Variants in C14orf93 observed in about 807,000 individuals in gnomAD.
C14orf93 encodes uncharacterized protein C14orf93.
Under a neutral mutation model 44.0 loss-of-function variants are expected in C14orf93, and 23 were observed. The observed-to-expected ratio is 0.52, with a 90% CI of 0.38 to 0.74. The LOEUF is 0.74. C14orf93 is among the 30% of genes least tolerant of loss of function. C14orf93 has a pLI of 0.00. For synonymous variants in C14orf93, 253 were observed against 265.7 expected (o/e 0.95, Z 0.46); for missense variants, 579 against 678.9 (o/e 0.85, Z 1.64).
chr14:22,998,884 G>A lies in C14orf93; in HGVS notation c.140C>T (p.Thr47Ile), dbSNP rs2046154161. 1 of 1,614,184 alleles carries A rather than the reference G, an allele frequency of 6.2e-7. No individual in the cohort carries two copies. The highest frequency in any genetic ancestry group is 8.5e-7 in the Non-Finnish European group (1 of 1,180,048). Residue 47 changes from threonine (T) to isoleucine (I), a missense_variant, in exon 2 of 7, where the codon ACA (threonine) becomes ATA (isoleucine). Thr to Ile is a moderately conservative substitution (Grantham distance 89, BLOSUM62 -1). Transcript: ENST00000299088. Reference protein sequence around the residue: ...GGNPPPSTPITVTGHGLAVQS... With the variant: ...GGNPPPSTPIIVTGHGLAVQS... ...AACAGCCAAGCCATGTCCAGTCACT[G>A]TGATGGGGGTGCTGGGAGGAGGATT...
At chr14:22,990,562 C>T (rs1336694790) in intron 3 of C14orf93, among the ~76,000 whole-genome samples, 1 of 151,498 alleles carries the variant, frequency 6.6e-6, no homozygotes, top group Non-Finnish European at 1.5e-5. Context: ...CTCTGCCTCC[C>T]GGGTTCAAGC....
intron 1 of C14orf93, among the ~76,000 whole-genome samples, chr14:23,003,880 ATATATATATATATATATATTTTTTT>A (rs1412633865): frequency 6.3e-5 from 1 of 15,986 alleles, no homozygotes; most frequent in Non-Finnish European, 1.2e-4. Context: ...ATATATATAT[ATATATATATATATATATATTTTTTT>A]TTTTTTTTTT....
In C14orf93 at chr14:22,986,529, CTG is replaced by C. The variant is rs758333460; in HGVS notation, c.*684_*685del. On this transcript the variant is annotated 3_prime_UTR_variant, in exon 7 of 7. Coordinates refer to ENST00000299088, the MANE Select transcript of C14orf93 (RefSeq NM_021944.4). ...ACAGGACCAAGAAACAGCTACAAAGCTGTGTATTTTGCTTGGTCACATAGTGA... is the reference window on the plus strand; with the variant it reads ...ACAGGACCAAGAAACAGCTACAAAGCTGTATTTTGCTTGGTCACATAGTGA... 6.6e-6 allele frequency: 1 copy of C among 152,312 alleles called. No individual in the cohort carries two copies. The highest frequency in any genetic ancestry group is 1.9e-4 in the East Asian group (1 of 5,204). The allele number at this position is 152,312 out of a possible 1,614,324, so 9.4% of individuals were successfully genotyped here.
chr14:23,003,658 G>A (rs561250042), intron 1 of C14orf93, among the ~76,000 whole-genome samples: 7 of 151,124 alleles, frequency 4.6e-5, no homozygotes, highest in Admixed American at 2.0e-4. Flanking sequence ...AAAAGTAGCC[G>A]CGCATGCTGG....
chr14:23,007,669 G>T (rs1334689511), intron 1 of C14orf93, among the ~76,000 whole-genome samples: 2 of 152,152 alleles, frequency 1.3e-5, no homozygotes, highest in Non-Finnish European at 2.9e-5. Flanking sequence ...GAAAAAGCAA[G>T]AACAGTGGAT....
chr14:23,004,016 TCTC>T (rs886953841), intron 1 of C14orf93, among the ~76,000 whole-genome samples: 2 of 134,418 alleles, frequency 1.5e-5, no homozygotes, highest in African/African-American at 2.8e-5. Context: ...TTCAAGCAAT[TCTC>T]CTGCCTTAGC....
At position 22,999,050 on chromosome 14, in the gene C14orf93, T is replaced by C; in HGVS notation, c.-27A>G. 6.3e-7 allele frequency: 1 copy of C among 1,582,884 alleles called. No individual in the cohort carries two copies. Reference sequence around the variant, plus strand: ...GCGGATGGGGCAGTAACAACCACGCTTACACTGCTGGGCCGCTCCAACAGG... The same window carrying C: ...GCGGATGGGGCAGTAACAACCACGCCTACACTGCTGGGCCGCTCCAACAGG... On this transcript the variant is annotated 5_prime_UTR_variant, in exon 2 of 7. It removes the in-frame stop codon of an upstream open reading frame in the 5' UTR. Coordinates refer to ENST00000299088, the MANE Select transcript of C14orf93 (RefSeq NM_021944.4).
At chr14:23,001,817 A>G (rs1453403117) in intron 1 of C14orf93, among the ~76,000 whole-genome samples, 3 of 135,998 alleles carry the variant, frequency 2.2e-5, no homozygotes, top group Admixed American at 7.9e-5. Context: ...TCATCTTTCC[A>G]AAACAGCACT....
At position 22,987,049 on chromosome 14, in the gene C14orf93, T is replaced by C; in HGVS notation, c.*166A>G. On this transcript the variant is annotated 3_prime_UTR_variant, in exon 7 of 7. Transcript: ENST00000299088. The surrounding 1 kb of genome is among the most constrained non-coding windows in gnomAD (Gnocchi z 5.6). ...GTTTCTCCCCTTCTAGATAAGTTTT[T>C]ATCCCACCAGTGTTCTGCTTCCCCA... The C allele has an allele frequency of 1.4e-6, 1 of 724,720 alleles. No homozygotes were observed. The highest frequency in any genetic ancestry group is 2.7e-5 in the East Asian group (1 of 36,936). 44.9% of individuals were successfully genotyped at this position (724,720 alleles called of 1,614,324 possible).
intron 3 of C14orf93, among the ~76,000 whole-genome samples, chr14:22,992,639 G>A (rs1404643831): frequency 6.6e-5 from 10 of 151,254 alleles, no homozygotes; most frequent in Non-Finnish European, 1.2e-4. Context: ...GTGCAGTGGC[G>A]TGATCTCGGC....
chr14:22,990,121 C>A lies in C14orf93; in HGVS notation c.925G>T (p.Val309Phe), dbSNP rs2045505388. ...GTGATGTGGTTATGCACATTGTGGACCAGTTTCTAGGAGGAAAAAAAGAAA... is the reference window on the plus strand; with the variant it reads ...GTGATGTGGTTATGCACATTGTGGAACAGTTTCTAGGAGGAAAAAAAGAAA... ...RKRDLVLSKL[V>F]HNVHNHITND... The change falls in exon 4 of 7, where the codon GTC becomes TTC. Residue 309 changes from valine (V) to phenylalanine (F), a missense_variant. Val to Phe is a conservative substitution (Grantham distance 50). Coordinates refer to ENST00000299088, the MANE Select transcript of C14orf93 (RefSeq NM_021944.4). 3.7e-6 allele frequency: 6 copies of A among 1,613,134 alleles called. No homozygotes were observed. Among genetic ancestry groups the A allele is most frequent in the African/African-American group, 1.3e-5 (1 of 74,892 alleles).
At chr14:22,990,822 CTTTT>C (rs754334097) in intron 3 of C14orf93, among the ~76,000 whole-genome samples, 1 of 130,260 alleles carries the variant, frequency 7.7e-6, no homozygotes. Flanking sequence ...CTTTCCTTTT[CTTTT>C]TTTTTTTTTT....
intron 3 of C14orf93, chr14:22,993,995 C>T (rs1194766470): frequency 6.6e-6 from 1 of 152,288 alleles, no homozygotes; most frequent in African/African-American, 2.4e-5. Flanking sequence ...AGATCCTTCT[C>T]AAGCACAGAA....
chr14:22,995,438 G>A (rs1234511707), intron 3 of C14orf93, among the ~76,000 whole-genome samples: 1 of 152,178 alleles, frequency 6.6e-6, no homozygotes, highest in Non-Finnish European at 1.5e-5. Context: ...CCAGTACTTT[G>A]GGAGGCCGAG....
In C14orf93 at chr14:22,987,724, A is replaced by C; in HGVS notation, c.1198-90T>G. On this transcript the variant is annotated intron_variant, in intron 6 of 6. Transcript: ENST00000299088. The surrounding 1 kb of genome is among the most constrained non-coding windows in gnomAD (Gnocchi z 5.6). ...AGGTTTGGTGGGGAAGGCTGTGTAAAATCTGTGCCTAAGTGAACCCAGTCC... is the reference window on the plus strand; with the variant it reads ...AGGTTTGGTGGGGAAGGCTGTGTAACATCTGTGCCTAAGTGAACCCAGTCC... The C allele has an allele frequency of 3.6e-6, 5 of 1,403,966 alleles. No homozygotes were observed. Among genetic ancestry groups the C allele is most frequent in the Non-Finnish European group, 4.8e-6 (5 of 1,040,704 alleles). 87.0% of individuals were successfully genotyped at this position (1,403,966 alleles called of 1,614,324 possible). A position where few individuals can be genotyped will look rare whatever the true frequency, so the allele number is the denominator to read the frequency against.
chr14:22,994,481 G>C (rs2045852417), intron 3 of C14orf93, among the ~76,000 whole-genome samples: 1 of 152,022 alleles, frequency 6.6e-6, no homozygotes, highest in Non-Finnish European at 1.5e-5. Context: ...ACTCCAGCCT[G>C]GGTGACAGAG....
intron 2 of C14orf93, among the ~76,000 whole-genome samples, chr14:22,997,300 G>C (rs2046041576): frequency 6.6e-6 from 1 of 152,060 alleles, no homozygotes; most frequent in South Asian, 2.1e-4. Context: ...TACACTGGAG[G>C]GGGAGAGAGG....
At position 22,999,315 on chromosome 14, in the gene C14orf93, G is replaced by T. The variant is rs1282003509; in HGVS notation, c.-292C>A. The T allele has an allele frequency of 7.0e-6, 2 of 284,832 alleles. No individual in the cohort carries two copies. Among genetic ancestry groups the T allele is most frequent in the African/African-American group, 2.2e-5 (1 of 45,992 alleles). 17.6% of individuals were successfully genotyped at this position (284,832 alleles called of 1,614,324 possible). A position where few individuals can be genotyped will look rare whatever the true frequency, so the allele number is the denominator to read the frequency against. On this transcript the variant is annotated 5_prime_UTR_variant, in exon 2 of 7. Transcript: ENST00000299088. ...TCCTGATGAACGGTTTCAGACGGTA[G>T]AGAGCATTCCTTCTGCCCCCCAGCA...
intron 1 of C14orf93, among the ~76,000 whole-genome samples, chr14:23,002,966 G>A (rs2046387269): frequency 6.6e-6 from 1 of 152,142 alleles, no homozygotes; most frequent in Non-Finnish European, 1.5e-5. Context: ...AGTCTATGAG[G>A]ATGCATTTAT....
Sources: gnomAD v4.1 joint callset for allele counts (sites outside exome capture counted in the v4.1 genomes callset) on GRCh38, gnomAD v4.1.1 for gene constraint, Gnocchi (gnomAD v3.1) non-coding constraint, MANE v1.5 for transcripts, NCBI Gene and HGNC (gene_info 2026-07-23, HGNC 2026-07-21) for gene names.